Variants in GABRB2 observed in about 807,000 individuals in gnomAD.
GABRB2 encodes gamma-aminobutyric acid receptor subunit beta-2.
GABRB2 carries 16 observed loss-of-function variants against 54.7 expected under a neutral mutation model. That is an observed-to-expected ratio of 0.29 (90% CI 0.20 to 0.44). The LOEUF is 0.44. GABRB2 is among the 20% of genes least tolerant of loss of function. The probability of loss-of-function intolerance (pLI) is 1.00; values close to 1 mark genes in which losing one functional copy is unlikely to be tolerated. For synonymous variants in GABRB2, 244 were observed against 233.8 expected (o/e 1.04, Z -0.40); for missense variants, 355 against 644.0 (o/e 0.55, Z 4.86).
chr5:161,547,617 G>A (rs1403592749), upstream of GABRB2, among the ~76,000 whole-genome samples: 1 of 152,132 alleles, frequency 6.6e-6, no homozygotes, highest in East Asian at 1.9e-4. Context: ...TGTCTCTCCA[G>A]GTTTCGGTCT....
At chr5:161,443,713 G>A (rs908090134) in intron 4 of GABRB2, among the ~76,000 whole-genome samples, 2 of 152,100 alleles carry the variant, frequency 1.3e-5, no homozygotes. Context: ...GCTCTGCCCA[G>A]CCCCTGGCCA....
At chr5:161,339,866 T>C (rs1384016276) in intron 5 of GABRB2, among the ~76,000 whole-genome samples, 1 of 152,044 alleles carries the variant, frequency 6.6e-6, no homozygotes, top group Non-Finnish European at 1.5e-5. Context: ...CATATCTATG[T>C]GACTGACCTC....
At chr5:161,301,050 C>G (rs936404757) in intron 9 of GABRB2, among the ~76,000 whole-genome samples, 1 of 152,112 alleles carries the variant, frequency 6.6e-6, no homozygotes, top group Non-Finnish European at 1.5e-5. Context: ...TATTCCAATT[C>G]TAAAAATGAG....
rs73800517 is a variant in GABRB2, at chr5:161,461,699, A to G, written c.238-1855T>C. Among the ~76,000 whole-genome samples, 15 of 152,320 alleles carry G rather than the reference A, an allele frequency of 9.8e-5. No individual in the cohort carries two copies. The South Asian group carries it at 2.7e-3, about 27-fold the overall frequency. On this transcript the variant is annotated intron_variant, in intron 3 of 9. Coordinates refer to ENST00000393959, the MANE Select transcript of GABRB2 (RefSeq NM_001371727.1). The stretch of plus-strand genomic sequence containing the variant: ...ATTTGAAAAGCATAATTACAATTCT[A>G]TTTTAAAATCAGTTCACAATGCCCT...
At chr5:161,442,444 T>C (rs1757495802) in intron 4 of GABRB2, among the ~76,000 whole-genome samples, 1 of 152,226 alleles carries the variant, frequency 6.6e-6, no homozygotes, top group Admixed American at 6.5e-5. Flanking sequence ...GCAGCCCTTT[T>C]ACTGGCCTGT....
At chr5:161,490,484 G>A (rs931618148) in intron 3 of GABRB2, among the ~76,000 whole-genome samples, 6 of 151,604 alleles carry the variant, frequency 4.0e-5, no homozygotes, top group African/African-American at 1.2e-4. Flanking sequence ...GAAAAACTCT[G>A]CCAGATTGAA....
intron 5 of GABRB2, among the ~76,000 whole-genome samples, chr5:161,358,674 T>G (rs901675263): frequency 3.8e-4 from 57 of 151,906 alleles, no homozygotes; most frequent in African/African-American, 1.3e-3. Flanking sequence ...TTCTGGTAGG[T>G]GGGTAGAGGT....
intron 9 of GABRB2, among the ~76,000 whole-genome samples, chr5:161,325,015 T>A (rs769193363): frequency 2.0e-5 from 3 of 152,074 alleles, no homozygotes; most frequent in Non-Finnish European, 4.4e-5. Context: ...TCTGAGGATA[T>A]CCTGAATTTT....
In GABRB2 at chr5:161,516,561, C is replaced by T. The variant is rs144668231; in HGVS notation, c.237+28666G>A. ...AGGGAGCAAACAAATTTGAACTTGG[C>T]ATTTCATAACTTCAAGGGCAACGTT... On this transcript the variant is annotated intron_variant, in intron 3 of 9. Coordinates refer to ENST00000393959, the MANE Select transcript of GABRB2 (RefSeq NM_001371727.1). Among the ~76,000 whole-genome samples, 725 of 152,274 alleles carry T rather than the reference C, an allele frequency of 4.8e-3. 3 individuals carry two copies. The highest frequency in any genetic ancestry group is 0.016 in the African/African-American group (675 of 41,552).
intron 4 of GABRB2, among the ~76,000 whole-genome samples, chr5:161,444,351 A>G (rs1312095121): frequency 6.6e-6 from 1 of 152,190 alleles, no homozygotes; most frequent in African/African-American, 2.4e-5. Flanking sequence ...ATCCCTTTGA[A>G]CTTAGCTGTA....
At chr5:161,372,379 C>A (rs1373813980) in intron 5 of GABRB2, among the ~76,000 whole-genome samples, 1 of 152,156 alleles carries the variant, frequency 6.6e-6, no homozygotes, top group African/African-American at 2.4e-5. Flanking sequence ...GTCCCCATCA[C>A]CCCCTTTTGT....
intron 3 of GABRB2, among the ~76,000 whole-genome samples, chr5:161,538,044 T>C (rs1760699039): frequency 6.6e-6 from 1 of 152,092 alleles, no homozygotes. Flanking sequence ...GTGTATATCC[T>C]CTTTCAAAGC....
At chr5:161,440,743 A>T (rs1238053249) in intron 4 of GABRB2, among the ~76,000 whole-genome samples, 2 of 152,168 alleles carry the variant, frequency 1.3e-5, no homozygotes, top group Admixed American at 1.3e-4. Context: ...TAGTAACCAA[A>T]CAGCATGGTA....
chr5:161,422,931 T>C (rs1756892033), intron 4 of GABRB2, among the ~76,000 whole-genome samples: 1 of 152,180 alleles, frequency 6.6e-6, no homozygotes, highest in African/African-American at 2.4e-5. Context: ...TATACAAATA[T>C]CTTTCTAATG....
rs796285918 is a variant in GABRB2, at chr5:161,292,762, G to A, written c.*1319C>T. On this transcript the variant is annotated 3_prime_UTR_variant, in exon 10 of 10. Transcript: ENST00000393959. ...GAATGCACAAATTAACTCTCTGTGT[G>A]TTCATACTCCTTGAAGTATTATTTG... 73 of 152,246 alleles carry A rather than the reference G, an allele frequency of 4.8e-4. No individual in the cohort carries two copies. Among genetic ancestry groups the A allele is most frequent in the African/African-American group, 1.7e-3 (69 of 41,534 alleles). The allele number at this position is 152,246 out of a possible 1,614,324, so 9.4% of individuals were successfully genotyped here. A position where few individuals can be genotyped will look rare whatever the true frequency, so the allele number is the denominator to read the frequency against.
chr5:161,388,181 T>C (rs1392870218), intron 5 of GABRB2, among the ~76,000 whole-genome samples: 2 of 152,144 alleles, frequency 1.3e-5, no homozygotes, highest in Non-Finnish European at 2.9e-5. Flanking sequence ...AAAGTGACTT[T>C]ATGGGGTGCA....
chr5:161,316,003 G>T (rs563612001), intron 9 of GABRB2, among the ~76,000 whole-genome samples: 1 of 152,238 alleles, frequency 6.6e-6, no homozygotes, highest in South Asian at 2.1e-4. Flanking sequence ...TATACTCTTT[G>T]TAAGTGTATA....
intron 3 of GABRB2, among the ~76,000 whole-genome samples, chr5:161,490,013 G>T (rs1474324020): frequency 4.6e-5 from 7 of 151,552 alleles, no homozygotes; most frequent in Admixed American, 4.6e-4. Context: ...CAATGTTTGT[G>T]CTGTAAGCAT....
chr5:161,533,405 T>C (rs1039312288), intron 3 of GABRB2, among the ~76,000 whole-genome samples: 21 of 152,132 alleles, frequency 1.4e-4, no homozygotes, highest in African/African-American at 4.8e-4. Flanking sequence ...AGTATCTTTA[T>C]GCCATCCAAA....
Sources: allele counts gnomAD v4.1 joint callset (sites outside exome capture counted in the v4.1 genomes callset), GRCh38; gene constraint gnomAD v4.1.1; transcripts MANE v1.5; gene names NCBI Gene and HGNC (gene_info 2026-07-23, HGNC 2026-07-21).